Variants in JMJD1C observed in about 807,000 individuals in gnomAD.
The protein encoded by JMJD1C is jumonji domain-containing protein 1C.
JMJD1C carries 31 observed loss-of-function variants against 245.3 expected under a neutral mutation model. That is an observed-to-expected ratio of 0.13 (90% confidence interval 0.09 to 0.17). JMJD1C has a LOEUF of 0.17. Among genes scored for constraint, JMJD1C ranks in the 10% least tolerant of loss-of-function variants. The probability of loss-of-function intolerance (pLI) is 1.00; values close to 1 mark genes in which losing one functional copy is unlikely to be tolerated. For missense variants in JMJD1C, 2,691 were observed against 3,000.2 expected, an observed-to-expected ratio of 0.90 and a Z score of 2.41; for synonymous variants, 1,057 against 1,017.4, an observed-to-expected ratio of 1.04 and a Z score of -0.74.
intron 1 of JMJD1C, among the ~76,000 whole-genome samples, chr10:63,395,222 T>G (rs914327773): frequency 6.6e-6 from 1 of 152,302 alleles, no homozygotes; most frequent in South Asian, 2.1e-4. Context: ...CTCATGCCTG[T>G]AATCCCAGCA....
rs369114735 is a variant in JMJD1C at position 63,214,353 on chromosome 10, G to T, written c.1814C>A (p.Ala605Glu). The change falls in exon 8 of 26, where the codon GCA becomes GAA. Residue 605 changes from alanine (A) to glutamate (E), a missense_variant. This residue lies in a region of JMJD1C where 1,562 missense variants were observed against 1,490.7 expected (regional missense o/e 1.05). Transcript: ENST00000399262. ...CAGCTTATCTTCCATGACAGAAACT[G>T]CACTTAAAGGAGAAATGTAAGAGAC... Reference protein sequence around the residue: ...KYVSYISPLSAVSVMEDKLHK... With the variant: ...KYVSYISPLSEVSVMEDKLHK... 6.2e-7 allele frequency: 1 copy of T among 1,613,900 alleles called. No individual in the cohort carries two copies. The highest frequency in any genetic ancestry group is 1.3e-5 in the African/African-American group (1 of 74,934).
intron 2 of JMJD1C, among the ~76,000 whole-genome samples, chr10:63,297,304 A>C (rs563360346): frequency 5.5e-4 from 84 of 152,282 alleles, no homozygotes; most frequent in Admixed American, 3.4e-3. Context: ...CCCATGGACC[A>C]GTCAGCATGC....
chr10:63,360,550 GGA>G (rs1358110781), intron 2 of JMJD1C, among the ~76,000 whole-genome samples: 1 of 152,098 alleles, frequency 6.6e-6, no homozygotes, highest in African/African-American at 2.4e-5. Flanking sequence ...TTTCCTAAAA[GGA>G]TATTTGACAA....
rs746631132 is a variant in JMJD1C at position 63,168,566 on chromosome 10, C to T, written c.7402G>A (p.Val2468Ile). ...TGAATACAGCTGTGAAAATTCTGAACCTATCCCCAAAAGAAAAACCGTGAA... is the reference window on the plus strand; with the variant it reads ...TGAATACAGCTGTGAAAATTCTGAATCTATCCCCAAAAGAAAAACCGTGAA... ...IVLPAGALHQ[V>I]QNFHSCIQVT... The change falls in exon 25 of 26, where the codon GTT becomes ATT. Residue 2468 changes from valine (V) to isoleucine (I), a missense_variant and splice_region_variant. Val to Ile is a conservative substitution (Grantham distance 29). This residue lies in a region of JMJD1C where 232 missense variants were observed against 416.1 expected (regional missense o/e 0.56). Coordinates refer to ENST00000399262, the MANE Select transcript of JMJD1C (RefSeq NM_032776.3). 1.9e-6 allele frequency: 3 copies of T among 1,571,470 alleles called. No individual in the cohort carries two copies. The African/African-American group carries it at 4.2e-5, about 22-fold the overall frequency.
chr10:63,227,419 T>C (rs1022559738), intron 3 of JMJD1C, among the ~76,000 whole-genome samples: 2 of 152,194 alleles, frequency 1.3e-5, no homozygotes, highest in African/African-American at 4.8e-5. Context: ...GAAGACTGGC[T>C]TAATAACGTA....
rs1205721922 is a variant in JMJD1C at position 63,296,003 on chromosome 10, GTA to G, written c.334-31241_334-31240del. Among the ~76,000 whole-genome samples the G allele has an allele frequency of 7.3e-4, 70 of 95,722 alleles. 5 individuals carry two copies. Among genetic ancestry groups the G allele is most frequent in the African/African-American group, 1.7e-3 (45 of 25,842 alleles). 62.8% of individuals were successfully genotyped at this position (95,722 alleles called of 152,430 possible). On this transcript the variant is annotated intron_variant, in intron 2 of 25. Transcript: ENST00000399262. ...TGTGTGTGTGTGTGTGTGTGTGTGT[GTA>G]TATATATATTTTTTTTTTTTTCTTA... is the stretch of plus-strand genomic sequence containing the variant.
intron 4 of JMJD1C, among the ~76,000 whole-genome samples, chr10:63,218,442 T>C (rs1848233010): frequency 6.6e-6 from 1 of 152,134 alleles, no homozygotes; most frequent in Non-Finnish European, 1.5e-5. Context: ...CACTGTTTAG[T>C]AGCCATATCC....
intron 1 of JMJD1C, among the ~76,000 whole-genome samples, chr10:63,516,859 T>G (rs1395781770): frequency 6.6e-6 from 1 of 152,232 alleles, no homozygotes; most frequent in Non-Finnish European, 1.5e-5. Flanking sequence ...ATCATTGTAT[T>G]TTCAGTATCA....
intron 1 of JMJD1C, among the ~76,000 whole-genome samples, chr10:63,416,579 A>AT (rs1949820612): frequency 6.6e-6 from 1 of 152,170 alleles, no homozygotes; most frequent in African/African-American, 2.4e-5. Context: ...TGTGCTGGCA[A>AT]TTTCTCAAAC....
intron 1 of JMJD1C, among the ~76,000 whole-genome samples, chr10:63,388,522 A>G (rs1947804297): frequency 1.3e-5 from 2 of 152,206 alleles, no homozygotes; most frequent in African/African-American, 4.8e-5. Context: ...GGTATCTATC[A>G]TCATGAAAAC....
rs1019673906 is a variant in JMJD1C at position 63,313,603 on chromosome 10, C to T, written c.334-48839G>A. On this transcript the variant is annotated intron_variant, in intron 2 of 25. Coordinates refer to ENST00000399262, the MANE Select transcript of JMJD1C (RefSeq NM_032776.3). ...TTTCCATCACATCTGCACCAATATCCATTATTTTTTGACTTTTTAATAATA... is the reference window on the plus strand; with the variant it reads ...TTTCCATCACATCTGCACCAATATCTATTATTTTTTGACTTTTTAATAATA... 2.6e-5 allele frequency among the ~76,000 whole-genome samples: 4 copies of T among 152,208 alleles called. No homozygotes were observed. In the East Asian group the frequency reaches 5.8e-4, roughly 22 times the overall value.
chr10:63,273,697 A>G (rs1017165428), intron 2 of JMJD1C, among the ~76,000 whole-genome samples: 10 of 152,146 alleles, frequency 6.6e-5, no homozygotes, highest in African/African-American at 2.4e-4. Context: ...TGGCTGCTAA[A>G]CCAGGCTAGG....
intron 2 of JMJD1C, among the ~76,000 whole-genome samples, chr10:63,334,089 A>G (rs1942445849): frequency 6.6e-6 from 1 of 152,182 alleles, no homozygotes; most frequent in Non-Finnish European, 1.5e-5. Context: ...CTTGTCACAA[A>G]ATACATTAGA....
chr10:63,296,885 A>G (rs1410392726), intron 2 of JMJD1C, among the ~76,000 whole-genome samples: 3 of 152,218 alleles, frequency 2.0e-5, no homozygotes, highest in Non-Finnish European at 1.5e-5. Context: ...AATTTAAAGC[A>G]AAAATCTCTA....
At chr10:63,432,330 A>G (rs1950807827) in intron 1 of JMJD1C, among the ~76,000 whole-genome samples, 1 of 152,170 alleles carries the variant, frequency 6.6e-6, no homozygotes, top group Non-Finnish European at 1.5e-5. Flanking sequence ...TGCCTTTGGG[A>G]CTATCCCTAG....
At chr10:63,448,639 T>G (rs1160239731) in intron 1 of JMJD1C, among the ~76,000 whole-genome samples, 1 of 152,214 alleles carries the variant, frequency 6.6e-6, no homozygotes, top group Non-Finnish European at 1.5e-5. Flanking sequence ...TAACCCTTGC[T>G]AAAGTATAGT....
intron 1 of JMJD1C, among the ~76,000 whole-genome samples, chr10:63,448,310 C>T (rs755400717): frequency 1.3e-5 from 2 of 152,100 alleles, no homozygotes; most frequent in Non-Finnish European, 2.9e-5. Context: ...ATGCATGCCA[C>T]CATGCCCAGC....
At chr10:63,247,962 C>T in intron 3 of JMJD1C, among the ~76,000 whole-genome samples, 1 of 152,042 alleles carries the variant, frequency 6.6e-6, no homozygotes, top group East Asian at 1.9e-4. Flanking sequence ...GGTACAGTGG[C>T]TCATGACTGT....
intron 1 of JMJD1C, among the ~76,000 whole-genome samples, chr10:63,385,773 T>C (rs750543481): frequency 7.9e-5 from 12 of 152,014 alleles, no homozygotes; most frequent in Non-Finnish European, 1.8e-4. Context: ...TTAAAAACAT[T>C]CAGCATCTGC....
Sources: gnomAD v4.1 joint callset for allele counts (sites outside exome capture counted in the v4.1 genomes callset) on GRCh38, gnomAD v4.1.1 for gene constraint, gnomAD v4.1.1 regional missense constraint, MANE v1.5 for transcripts, NCBI Gene and HGNC (gene_info 2026-07-23, HGNC 2026-07-21) for gene names.